The following ARRB1 variants were observed in gnomAD, a reference collection of about 807,000 sequenced individuals.
ARRB1 encodes arrestin beta 1.
ARRB1 carries 21 observed loss-of-function variants against 56.8 expected under a neutral mutation model. The observed-to-expected ratio is 0.37, with a 90% CI of 0.26 to 0.53. The LOEUF is 0.53. ARRB1 is among the 20% of genes least tolerant of loss of function. The pLI, the probability that ARRB1 is intolerant of heterozygous loss-of-function variation, is 0.88. For missense variants in ARRB1, 424 were observed against 553.7 expected (o/e 0.77, Z 2.35); for synonymous variants, 210 against 218.6 (o/e 0.96, Z 0.35).
intron 2 of ARRB1, among the ~76,000 whole-genome samples, chr11:75,288,692 T>G (rs947716149): frequency 1.3e-5 from 2 of 151,430 alleles, no homozygotes; most frequent in Admixed American, 1.3e-4. Flanking sequence ...TTCAGCTCAC[T>G]GCAACCTCTA....
chr11:75,318,067 T>C (rs541764115), intron 1 of ARRB1, among the ~76,000 whole-genome samples: 1 of 151,928 alleles, frequency 6.6e-6, no homozygotes, highest in East Asian at 1.9e-4. Flanking sequence ...AAGGGCTTGT[T>C]AAAAAACAGG....
chr11:75,283,378 G>T lies in ARRB1; in HGVS notation c.263C>A (p.Pro88Gln), dbSNP rs1232626212. Reference protein sequence around the residue: ...DLFVANVQSFPPAPEDKKPLT... With the variant: ...DLFVANVQSFQPAPEDKKPLT... ...GGGCTTCTTGTCCTCGGGGGCCGGT[G>T]GGAACGACTGTACGTTGGCCACAAA... Residue 88 changes from proline to glutamine, a missense_variant, in exon 5 of 16, where the codon CCA becomes CAA. Around this residue, in one of 3 missense-constraint regions of ARRB1, gnomAD observed 301 missense variants for 387.9 expected, o/e 0.78. Coordinates refer to ENST00000420843, the MANE Select transcript of ARRB1 (RefSeq NM_004041.5). The T allele has an allele frequency of 6.2e-7, 1 of 1,614,032 alleles. No homozygotes were observed. The highest frequency in any genetic ancestry group is 1.3e-5 in the African/African-American group (1 of 74,930).
chr11:75,276,259 T>C (rs1012281058), intron 10 of ARRB1, among the ~76,000 whole-genome samples: 7 of 152,336 alleles, frequency 4.6e-5, no homozygotes, highest in African/African-American at 1.4e-4. Flanking sequence ...TTACTTCCTT[T>C]AGGTAAGTAA....
rs140241121 is a variant in ARRB1 at position 75,292,551 on chromosome 11, A to G, written c.21-2512T>C. On this transcript the variant is annotated intron_variant, in intron 1 of 15. Transcript: ENST00000420843. ...TACAGATCACAAGGTTTGAAGCAGCAGCTCCCAAGCTGGGGCTGGACGTGC... is the reference window on the plus strand; with the variant it reads ...TACAGATCACAAGGTTTGAAGCAGCGGCTCCCAAGCTGGGGCTGGACGTGC... 9.2e-3 allele frequency among the ~76,000 whole-genome samples: 1,403 copies of G among 152,356 alleles called. 19 individuals are homozygous for G. The highest frequency in any genetic ancestry group is 0.029 in the African/African-American group (1,219 of 41,582).
chr11:75,314,144 C>T (rs916858150), intron 1 of ARRB1, among the ~76,000 whole-genome samples: 2 of 152,202 alleles, frequency 1.3e-5, no homozygotes, highest in Non-Finnish European at 2.9e-5. Context: ...CCACAGGACT[C>T]CAGTCCCACC....
At chr11:75,268,510 CAAAA>C (rs61409833) in intron 14 of ARRB1, among the ~76,000 whole-genome samples, 907 of 61,432 alleles carry the variant, frequency 0.015, 8 homozygotes, top group African/African-American at 0.022. Context: ...GTCTCAAAAC[CAAAA>C]AAAAAAAAAA....
chr11:75,343,854 C>T (rs568630264), intron 1 of ARRB1, among the ~76,000 whole-genome samples: 2 of 151,806 alleles, frequency 1.3e-5, no homozygotes, highest in Admixed American at 6.6e-5. Context: ...GTCCCTCTGT[C>T]GCCCAGGCTG....
chr11:75,349,178 G>A (rs1947812529), intron 1 of ARRB1, among the ~76,000 whole-genome samples: 1 of 152,204 alleles, frequency 6.6e-6, no homozygotes, highest in African/African-American at 2.4e-5. Context: ...AAGGCCTCAT[G>A]GGGCTGCAGG....
intron 1 of ARRB1, among the ~76,000 whole-genome samples, chr11:75,340,553 T>C (rs1034195955): frequency 6.6e-6 from 1 of 152,218 alleles, no homozygotes; most frequent in Non-Finnish European, 1.5e-5. Context: ...GAGGAGAGGC[T>C]GTGGGGGCTG....
rs1316221010 is a variant in ARRB1, at chr11:75,312,025, C to T, written c.21-21986G>A. 3.9e-6 allele frequency: 5 copies of T among 1,288,232 alleles called. No individual in the cohort carries two copies. In the South Asian group the frequency reaches 6.2e-5, roughly 16 times the overall value. The allele number at this position is 1,288,232 out of a possible 1,614,324, so 79.8% of individuals were successfully genotyped here. Reference sequence around the variant, plus strand: ...TTCTCGAAGGCCCAGATCGGAGGCCCTGCCCAGCCTCTTCCCCTCCTCTAA... The same window carrying T: ...TTCTCGAAGGCCCAGATCGGAGGCCTTGCCCAGCCTCTTCCCCTCCTCTAA... On this transcript the variant is annotated intron_variant, in intron 1 of 15. Transcript: ENST00000420843.
intron 1 of ARRB1, among the ~76,000 whole-genome samples, chr11:75,337,266 C>T (rs1420173740): frequency 1.3e-5 from 2 of 152,230 alleles, no homozygotes; most frequent in Admixed American, 6.5e-5. Flanking sequence ...GCCTGAGCAA[C>T]ACAGTGAGAC....
intron 1 of ARRB1, among the ~76,000 whole-genome samples, chr11:75,315,220 C>T (rs1359918488): frequency 6.6e-6 from 1 of 152,164 alleles, no homozygotes; most frequent in Non-Finnish European, 1.5e-5. Context: ...TCGGCCTCCT[C>T]CCAGTTCCTC....
intron 2 of ARRB1, among the ~76,000 whole-genome samples, chr11:75,287,869 A>ATT (rs139815733): frequency 6.6e-6 from 1 of 151,486 alleles, no homozygotes; most frequent in East Asian, 1.9e-4. Flanking sequence ...TTCTTAAATA[A>ATT]TTTTTTTTTC....
intron 1 of ARRB1, among the ~76,000 whole-genome samples, chr11:75,311,022 G>T (rs750843039): frequency 4.6e-5 from 7 of 152,178 alleles, no homozygotes; most frequent in Non-Finnish European, 8.8e-5. Context: ...CCTACCAAAG[G>T]CACCCTATGA....
chr11:75,280,998 T>TA, intron 7 of ARRB1, 77 bp downstream of exon 7: 2 of 1,483,588 alleles, frequency 1.3e-6, no homozygotes, highest in Admixed American at 2.0e-5. Context: ...TATTGTTACT[T>TA]ATCTCCTCTT....
chr11:75,293,885 C>G (rs1359144618), intron 1 of ARRB1, among the ~76,000 whole-genome samples: 1 of 152,188 alleles, frequency 6.6e-6, no homozygotes, highest in Non-Finnish European at 1.5e-5. Context: ...CATTTTCCCC[C>G]GGTTGCACTG....
intron 1 of ARRB1, among the ~76,000 whole-genome samples, chr11:75,297,864 CAAAAAAAAAAAAAAAAA>C (rs34831668): frequency 1.4e-4 from 4 of 29,270 alleles, no homozygotes; most frequent in African/African-American, 2.1e-4. Flanking sequence ...GACTTTGTCT[CAAAAAAAAAAAAAAAAA>C]AAAAAAAAAA....
chr11:75,345,037 G>C (rs1185703299), intron 1 of ARRB1, among the ~76,000 whole-genome samples: 1 of 152,180 alleles, frequency 6.6e-6, no homozygotes, highest in Admixed American at 6.5e-5. Flanking sequence ...TAGACCAGCA[G>C]ATCCCTCTCC....
chr11:75,349,391 TC>T (rs1947815215), intron 1 of ARRB1, among the ~76,000 whole-genome samples: 1 of 152,150 alleles, frequency 6.6e-6, no homozygotes. Context: ...GTCCCAAAGG[TC>T]CACCAGTGAG....
Sources: allele counts gnomAD v4.1 joint callset (sites outside exome capture counted in the v4.1 genomes callset), GRCh38; gene constraint gnomAD v4.1.1; regional missense constraint gnomAD v4.1.1; transcripts MANE v1.5; gene names NCBI Gene and HGNC (gene_info 2026-07-23, HGNC 2026-07-21).